Variants in CELF1 observed in about 807,000 individuals in gnomAD.
CELF1 encodes the protein CUGBP Elav-like family member 1.
A neutral mutation model predicts 61.8 loss-of-function variants in CELF1; 10 were observed. The observed-to-expected ratio is 0.16, with a 90% confidence interval of 0.10 to 0.27. CELF1 has a LOEUF of 0.27. Among genes scored for constraint, CELF1 ranks in the 10% least tolerant of loss-of-function variants. The pLI is 1.00. For missense variants in CELF1, 380 were observed against 639.1 expected, an observed-to-expected ratio of 0.59 and a Z score of 4.37; for synonymous variants, 236 against 225.1, an observed-to-expected ratio of 1.05 and a Z score of -0.43.
intron 1 of CELF1, among the ~76,000 whole-genome samples, chr11:47,530,366 C>T (rs774080869): frequency 2.0e-5 from 3 of 152,170 alleles, no homozygotes; most frequent in Non-Finnish European, 4.4e-5. Context: ...ACATGGCTCT[C>T]TCCCACTGTG....
At chr11:47,506,848 T>C (rs1180651312) in intron 1 of CELF1, 1 of 152,230 alleles carries the variant, frequency 6.6e-6, no homozygotes, top group East Asian at 1.9e-4. Context: ...ATTCAGTAGT[T>C]AGCCCATACC....
At position 47,471,802 on chromosome 11, in the gene CELF1, T is replaced by C. The variant is rs2077778715; in HGVS notation, c.*428A>G. Reference sequence around the variant, plus strand: ...AAGAGAGGTTCTGGGGGTCACTTTTTTGTTCCACTCAGTCCTCTCTCTTGG... The same window carrying C: ...AAGAGAGGTTCTGGGGGTCACTTTTCTGTTCCACTCAGTCCTCTCTCTTGG... On this transcript the variant is annotated 3_prime_UTR_variant, in exon 15 of 15. Coordinates refer to ENST00000687097, the MANE Select transcript of CELF1 (RefSeq NM_001376376.1). 1 of 158,306 alleles carries C rather than the reference T, an allele frequency of 6.3e-6. No individual in the cohort carries two copies. The highest frequency in any genetic ancestry group is 1.4e-5 in the Non-Finnish European group (1 of 71,152). 9.8% of individuals were successfully genotyped at this position (158,306 alleles called of 1,614,324 possible).
intron 9 of CELF1, among the ~76,000 whole-genome samples, chr11:47,479,536 T>C (rs2081859765): frequency 6.6e-6 from 1 of 152,212 alleles, no homozygotes; most frequent in Non-Finnish European, 1.5e-5. Context: ...CTTCCTCCCC[T>C]CCAAACTGGT....
upstream of CELF1, among the ~76,000 whole-genome samples, chr11:47,554,786 C>G (rs1423269542): frequency 6.6e-6 from 1 of 151,894 alleles, no homozygotes. Context: ...CTCAGCCTCC[C>G]GAGTAGCTGG....
At chr11:47,529,077 CTTTTTTT>C (rs1162581463) in intron 1 of CELF1, among the ~76,000 whole-genome samples, 1 of 133,656 alleles carries the variant, frequency 7.5e-6, no homozygotes, top group South Asian at 2.4e-4. Flanking sequence ...GTTTATTTTA[CTTTTTTT>C]TTTTTTTTTT....
chr11:47,502,319 T>C (rs902387813), intron 1 of CELF1, among the ~76,000 whole-genome samples: 1 of 152,194 alleles, frequency 6.6e-6, no homozygotes, highest in African/African-American at 2.4e-5. Flanking sequence ...TCACCAGAGT[T>C]ATCTCAGTAT....
chr11:47,546,636 T>C (rs780910166), intron 1 of CELF1, among the ~76,000 whole-genome samples: 1 of 152,158 alleles, frequency 6.6e-6, no homozygotes, highest in Non-Finnish European at 1.5e-5. Flanking sequence ...ATTTACAAAT[T>C]TATCTGTGCA....
intron 1 of CELF1, among the ~76,000 whole-genome samples, chr11:47,527,608 T>G (rs1402308439): frequency 6.6e-6 from 1 of 152,204 alleles, no homozygotes; most frequent in Non-Finnish European, 1.5e-5. Context: ...GGCTTATTCA[T>G]TGTATATACT....
chr11:47,522,880 TA>T (rs896162051), intron 1 of CELF1, among the ~76,000 whole-genome samples: 156 of 149,320 alleles, frequency 1.0e-3, no homozygotes, highest in African/African-American at 3.0e-3. Flanking sequence ...TTCATTTATT[TA>T]AAAAAAAAAT....
intron 1 of CELF1, among the ~76,000 whole-genome samples, chr11:47,529,100 CAG>C (rs2096371300): frequency 7.0e-6 from 1 of 142,850 alleles, no homozygotes; most frequent in Non-Finnish European, 1.5e-5. Flanking sequence ...TTTTTTGAGA[CAG>C]AGTCTTGCTC....
At chr11:47,532,525 G>C (rs1454871724) in intron 1 of CELF1, among the ~76,000 whole-genome samples, 1 of 152,178 alleles carries the variant, frequency 6.6e-6, no homozygotes, top group South Asian at 2.1e-4. Context: ...AAGTTTCTCT[G>C]CATAACTTTT....
rs749370398 is a variant in CELF1, at chr11:47,484,378, A to C, written c.526+11T>G. On this transcript the variant is annotated intron_variant, in intron 7 of 14. Transcript: ENST00000687097. ...AAACCAAAAGATTATTTAAAAGCTA[A>C]AACTACCTACCTCGGCTCAGGCCAT... 3.1e-6 allele frequency: 5 copies of C among 1,601,792 alleles called. No individual in the cohort carries two copies. In the East Asian group the frequency reaches 6.7e-5, roughly 21 times the overall value.
At chr11:47,496,785 G>C (rs2093194592) in intron 3 of CELF1, among the ~76,000 whole-genome samples, 1 of 152,150 alleles carries the variant, frequency 6.6e-6, no homozygotes, top group African/African-American at 2.4e-5. Flanking sequence ...ACAGAGAAGA[G>C]ATCATACTAG....
intron 1 of CELF1, among the ~76,000 whole-genome samples, chr11:47,548,673 C>T (rs1276305961): frequency 6.6e-6 from 1 of 151,946 alleles, no homozygotes; most frequent in Non-Finnish European, 1.5e-5. Context: ...CGAGACCAGC[C>T]TGGCCAACAT....
intron 10 of CELF1, among the ~76,000 whole-genome samples, chr11:47,478,151 C>T (rs966588363): frequency 2.0e-5 from 3 of 152,202 alleles, no homozygotes; most frequent in African/African-American, 7.2e-5. Context: ...TAGCAACTTT[C>T]CAAAAATATA....
Position 47,468,558 on chromosome 11 carries a change from G to C in CELF1, c.*3672C>G, listed in dbSNP as rs896150167. ...GGGCTGCTCTGAAGACAATTACAAA[G>C]AATTGGAATCACAAAATCAAGTGGT... On this transcript the variant is annotated 3_prime_UTR_variant, in exon 15 of 15. Transcript: ENST00000687097. 1 of 152,458 alleles carries C rather than the reference G, an allele frequency of 6.6e-6. No homozygotes were observed. Among genetic ancestry groups the C allele is most frequent in the Non-Finnish European group, 1.5e-5 (1 of 68,010 alleles). 9.4% of individuals were successfully genotyped at this position (152,458 alleles called of 1,614,324 possible).
chr11:47,500,995 AAAGGC>A, intron 1 of CELF1, 63 bp from the exon 2 acceptor site: 1 of 397,934 alleles, frequency 2.5e-6, no homozygotes, highest in Non-Finnish European at 4.4e-6. Context: ...AAAAAAAAAG[AAAGGC>A]AACACACAAT....
intron 3 of CELF1, among the ~76,000 whole-genome samples, chr11:47,489,935 G>GTTTTTGTTTT (rs1555170253): frequency 2.1e-5 from 1 of 48,226 alleles, no homozygotes; most frequent in African/African-American, 7.8e-5. Flanking sequence ...ATACCATCTT[G>GTTTTTGTTTT]TTTTTTTTTT....
At chr11:47,486,415 CTTTTT>C (rs889800216) in intron 6 of CELF1, among the ~76,000 whole-genome samples, 2 of 144,464 alleles carry the variant, frequency 1.4e-5, no homozygotes, top group African/African-American at 5.1e-5. Context: ...AGGCAGAAAT[CTTTTT>C]TTTTTTTGAG....
Sources: allele counts gnomAD v4.1 joint callset (sites outside exome capture counted in the v4.1 genomes callset), GRCh38; gene constraint gnomAD v4.1.1; transcripts MANE v1.5; gene names NCBI Gene and HGNC (gene_info 2026-07-23, HGNC 2026-07-21).